The following RAP1GAP variants were observed in gnomAD, a reference collection of about 807,000 sequenced individuals.
RAP1GAP encodes RAP1 GTPase activating protein.
Under a neutral mutation model 87.2 loss-of-function variants are expected in RAP1GAP, and 35 were observed. That is an observed-to-expected ratio of 0.40 (90% CI 0.31 to 0.53). The LOEUF is 0.53. Ranked by LOEUF, RAP1GAP falls within the 20% of genes least tolerant of loss-of-function variation. RAP1GAP has a pLI of 0.48. For missense variants in RAP1GAP, 734 were observed against 898.9 expected (o/e 0.82, Z 2.35); for synonymous variants, 375 against 363.9 (o/e 1.03, Z -0.35).
chr1:21,659,336 G>A (rs938835156), intron 1 of RAP1GAP, among the ~76,000 whole-genome samples: 1 of 152,138 alleles, frequency 6.6e-6, no homozygotes, highest in African/African-American at 2.4e-5. Flanking sequence ...CAGCGCCCCG[G>A]GAGCATCTCA....
At chr1:21,606,039 G>A (rs776159750) in intron 18 of RAP1GAP, 27 bp downstream of exon 18, 1 of 1,562,494 alleles carries the variant, frequency 6.4e-7, no homozygotes, top group South Asian at 1.2e-5. Context: ...GGAGGGGCCG[G>A]GGCCTGGGGA....
At chr1:21,601,422 C>T (rs188520651) in intron 20 of RAP1GAP, among the ~76,000 whole-genome samples, 18 of 152,342 alleles carry the variant, frequency 1.2e-4, no homozygotes, top group East Asian at 7.7e-4. Context: ...CCTATGAGGC[C>T]GCGTTCTGAT....
At chr1:21,611,981 T>G in intron 11 of RAP1GAP, 45 bp downstream of exon 11, 1 of 1,497,672 alleles carries the variant, frequency 6.7e-7, no homozygotes, top group Non-Finnish European at 9.1e-7. Context: ...AGGCTCCAGA[T>G]ATGGGGCCAG....
chr1:21,598,443 C>T lies in RAP1GAP; in HGVS notation c.1836G>A (p.Trp612Ter). 2 of 1,614,078 alleles carry T rather than the reference C, an allele frequency of 1.2e-6. No homozygotes were observed. Among genetic ancestry groups the T allele is most frequent in the Non-Finnish European group, 1.7e-6 (2 of 1,179,942 alleles). The change falls in exon 22 of 25, where the codon TGG becomes TGA. Residue 612 changes from tryptophan (W) to a stop codon, truncating the protein, a stop_gained. Coordinates refer to ENST00000374765, the MANE Select transcript of RAP1GAP (RefSeq NM_002885.4). LOFTEE classifies it high-confidence loss of function. The part of the protein sequence containing the change: ...HKRDSFIYST[W>*]LEDSVSTTSG... ...TAGTGGTGCTGACACTGTCCTCCAG[C>T]CACGTGCTATAGATGAAGGAGTCCC...
intron 2 of RAP1GAP, among the ~76,000 whole-genome samples, chr1:21,646,906 T>C (rs1401108738): frequency 1.3e-5 from 2 of 152,158 alleles, no homozygotes; most frequent in African/African-American, 2.4e-5. Flanking sequence ...TAGGGATGTG[T>C]AGGGGAACTC....
Position 21,603,949 on chromosome 1 carries a change from GAC to G in RAP1GAP, c.1429-1038_1429-1037del. ...CAGAGGGCGGGGGCAGAGAGAGAGA[GAC>G]AGAGAGAGAGTCAGAGAGCAAGAGA... On this transcript the variant is annotated intron_variant, in intron 18 of 24. Coordinates refer to ENST00000374765, the MANE Select transcript of RAP1GAP (RefSeq NM_002885.4). This position sits in a 1 kb window ranked among gnomAD's most constrained non-coding sequence, Gnocchi z 6.0. The G allele has an allele frequency of 7.2e-7, 1 of 1,397,746 alleles. No homozygotes were observed. Among genetic ancestry groups the G allele is most frequent in the Non-Finnish European group, 9.7e-7 (1 of 1,027,346 alleles). The allele number at this position is 1,397,746 out of a possible 1,614,324, so 86.6% of individuals were successfully genotyped here. A position where few individuals can be genotyped will look rare whatever the true frequency, so the allele number is the denominator to read the frequency against.
chr1:21,641,582 G>C (rs2095529185), intron 2 of RAP1GAP, among the ~76,000 whole-genome samples: 1 of 152,224 alleles, frequency 6.6e-6, no homozygotes, highest in Non-Finnish European at 1.5e-5. Context: ...GTTCACTGCT[G>C]CATCCCCAGT....
intron 2 of RAP1GAP, among the ~76,000 whole-genome samples, chr1:21,635,467 T>C (rs569175603): frequency 2.6e-5 from 4 of 152,230 alleles, no homozygotes; most frequent in African/African-American, 9.6e-5. Flanking sequence ...GGTGCTGGGA[T>C]CAGAGTGGGG....
intron 20 of RAP1GAP, among the ~76,000 whole-genome samples, chr1:21,601,082 T>C (rs1280152936): frequency 1.3e-5 from 2 of 150,568 alleles, no homozygotes; most frequent in Non-Finnish European, 2.9e-5. Flanking sequence ...GTGCAGTGGC[T>C]ATTCACAGGC....
Position 21,634,245 on chromosome 1 carries a change from A to C in RAP1GAP, c.-112-7848T>G, listed in dbSNP as rs530606208. On this transcript the variant is annotated intron_variant, in intron 2 of 24. Transcript: ENST00000374765. This position sits in a 1 kb window ranked among gnomAD's most constrained non-coding sequence, Gnocchi z 4.1. Reference sequence around the variant, plus strand: ...CTCTTCCCCAGCCCACTGGGAGCCTAAGCAGACAGGCACAGGCACGGGAGG... The same window carrying C: ...CTCTTCCCCAGCCCACTGGGAGCCTCAGCAGACAGGCACAGGCACGGGAGG... 6.6e-6 allele frequency among the ~76,000 whole-genome samples: 1 copy of C among 152,142 alleles called. No individual in the cohort carries two copies. Among genetic ancestry groups the C allele is most frequent in the South Asian group, 2.1e-4 (1 of 4,824 alleles).
intron 1 of RAP1GAP, among the ~76,000 whole-genome samples, chr1:21,650,995 T>C (rs1160960739): frequency 1.3e-5 from 2 of 151,986 alleles, no homozygotes; most frequent in Admixed American, 6.5e-5. Flanking sequence ...CACTGGGAGG[T>C]AGGGCCTGGT....
chr1:21,653,578 TCCTTCCTTCCTTCCTC>T lies in RAP1GAP; in HGVS notation c.-148-3798_-148-3783del, dbSNP rs1484088581. 1.4e-3 allele frequency among the ~76,000 whole-genome samples: 189 copies of T among 133,138 alleles called. 1 individual carries two copies. Among genetic ancestry groups the T allele is most frequent in the Non-Finnish European group, 1.9e-3 (113 of 60,426 alleles). 87.3% of individuals were successfully genotyped at this position (133,138 alleles called of 152,430 possible). On this transcript the variant is annotated intron_variant, in intron 1 of 24. Transcript: ENST00000374765. ...TTCCTTCCTTCCTTCCTTCCTTCCT[TCCTTCCTTCCTTCCTC>T]CCTCCCTCCCTCCCTCCTTCCTAAG...
intron 2 of RAP1GAP, among the ~76,000 whole-genome samples, chr1:21,630,269 T>TG (rs1467234453): frequency 1.3e-5 from 2 of 151,566 alleles, no homozygotes; most frequent in Non-Finnish European, 2.9e-5. Flanking sequence ...TTTTTCCCTT[T>TG]TTTTTTTTTG....
At chr1:21,626,440 G>A in intron 2 of RAP1GAP, 43 bp from the exon 3 acceptor site, 1 of 1,501,154 alleles carries the variant, frequency 6.7e-7, no homozygotes, top group Non-Finnish European at 9.3e-7. Context: ...CCCCAAGCCA[G>A]GAAATTTGGG....
chr1:21,651,351 C>T (rs771895649), intron 1 of RAP1GAP: 22 of 479,936 alleles, frequency 4.6e-5, no homozygotes, highest in Non-Finnish European at 8.4e-5. Context: ...GGAGGTCCAG[C>T]AGAACCTCCC....
chr1:21,605,041 ATGGATGGATGGGTGGG>A (rs570341124), intron 18 of RAP1GAP, among the ~76,000 whole-genome samples: 1,719 of 139,822 alleles, frequency 0.012, 35 homozygotes, highest in Admixed American at 0.057. Flanking sequence ...GGGTGGGTGG[ATGGATGGATGGGTGGG>A]TGGATGGATG....
intron 1 of RAP1GAP, among the ~76,000 whole-genome samples, chr1:21,650,191 C>T (rs966335791): frequency 6.6e-6 from 1 of 151,974 alleles, no homozygotes; most frequent in Non-Finnish European, 1.5e-5. Context: ...TGCTGGATAT[C>T]TATGGTTTAT....
chr1:21,608,458 G>C, intron 16 of RAP1GAP, 108 bp from the exon 17 acceptor site: 4 of 1,410,734 alleles, frequency 2.8e-6, no homozygotes, highest in Non-Finnish European at 3.8e-6. Context: ...CTCTGAATGA[G>C]TGGGGAGTGG....
At chr1:21,628,057 C>T (rs2092782988) in intron 2 of RAP1GAP, among the ~76,000 whole-genome samples, 2 of 152,194 alleles carry the variant, frequency 1.3e-5, no homozygotes, top group Admixed American at 1.3e-4. Flanking sequence ...AAAACTTTCA[C>T]ATCATTTGTT....
Sources: gnomAD v4.1 joint callset for allele counts (sites outside exome capture counted in the v4.1 genomes callset) on GRCh38, gnomAD v4.1.1 for gene constraint, Gnocchi (gnomAD v3.1) non-coding constraint, MANE v1.5 for transcripts, NCBI Gene and HGNC (gene_info 2026-07-23, HGNC 2026-07-21) for gene names.